GSTA5: variants seen among roughly 807,000 people sequenced by gnomAD.
GSTA5 encodes the protein glutathione S-transferase alpha 5.
In GSTA5, 25 loss-of-function variants were observed where a neutral mutation model predicts 21.8. The observed-to-expected ratio is 1.14, with a 90% confidence interval of 0.83 to 1.60. GSTA5 has a LOEUF of 1.60. Among genes scored for constraint, GSTA5 ranks in the 40% most tolerant of loss-of-function variants. GSTA5 has a pLI of 0.00. For missense variants in GSTA5, 330 were observed against 259.2 expected, an observed-to-expected ratio of 1.27 and a Z score of -1.88; for synonymous variants, 102 against 89.5, an observed-to-expected ratio of 1.14 and a Z score of -0.78.
chr6:52,844,896 A>G (rs1443163783), upstream of GSTA5, among the ~76,000 whole-genome samples: 1 of 152,078 alleles, frequency 6.6e-6, no homozygotes, highest in Non-Finnish European at 1.5e-5. Context: ...CCAACAATCT[A>G]TGTATATGTA....
intron 5 of GSTA5, among the ~76,000 whole-genome samples, chr6:52,832,519 G>A (rs1349426099): frequency 1.3e-5 from 2 of 152,026 alleles, no homozygotes; most frequent in East Asian, 3.9e-4. Context: ...ATTCAATGCG[G>A]GAAGACAAGG....
intron 1 of GSTA5, among the ~76,000 whole-genome samples, chr6:52,838,514 A>G (rs982268576): frequency 3.9e-5 from 6 of 152,258 alleles, no homozygotes; most frequent in African/African-American, 1.4e-4. Flanking sequence ...CAGTAACTTA[A>G]ACATTGGAGT....
Position 52,833,003 on chromosome 6 carries a change from A to G in GSTA5, c.415-13T>C, listed in dbSNP as rs1326127213. The G allele has an allele frequency of 6.2e-7, 1 of 1,613,808 alleles. No individual in the cohort carries two copies. The highest frequency in any genetic ancestry group is 8.5e-7 in the Non-Finnish European group (1 of 1,179,886). On this transcript the variant is annotated splice_polypyrimidine_tract_variant and intron_variant, in intron 4 of 5. Coordinates refer to ENST00000370989, the Ensembl canonical transcript of GSTA5. ...GGCTCTTTAAGACCTGGAGAATTGGAGGAATCAGATCAGGAACACATGCAC... is the reference window on the plus strand; with the variant it reads ...GGCTCTTTAAGACCTGGAGAATTGGGGGAATCAGATCAGGAACACATGCAC...
rs1764293656 is a variant in GSTA5, at chr6:52,836,371, T to C, written c.140-3A>G. On this transcript the variant is annotated splice_polypyrimidine_tract_variant and splice_region_variant and intron_variant, in intron 2 of 5. Transcript: ENST00000370989. ...TTGCTGGAACAGCAAACTCCCATCT[T>C]AGAAAGAAGAAAAAAAAAGGAGTAT... 2.5e-6 allele frequency: 4 copies of C among 1,613,170 alleles called. No individual in the cohort carries two copies. The highest frequency in any genetic ancestry group is 3.4e-6 in the Non-Finnish European group (4 of 1,179,582).
At chr6:52,842,906 C>A (rs1014920986), upstream of GSTA5, among the ~76,000 whole-genome samples, 1 of 152,086 alleles carries the variant, frequency 6.6e-6, no homozygotes, top group Non-Finnish European at 1.5e-5. Context: ...TCCCTAGGCC[C>A]CCACCCCACT....
chr6:52,837,287 G>A (rs9382146), intron 2 of GSTA5, among the ~76,000 whole-genome samples: 93,247 of 151,940 alleles, frequency 0.61, 29,117 homozygotes, highest in East Asian at 0.87. Context: ...GCTCACTGAC[G>A]GTCCCCCAAG....
chr6:52,833,341 T>C (rs9357747), intron 4 of GSTA5, among the ~76,000 whole-genome samples: 149,753 of 152,088 alleles, frequency 0.98, 73,775 homozygotes, highest in East Asian at 1. Context: ...ACATTCAGGA[T>C]GTGGCTCTAC....
exon 2 of GSTA5, chr6:52,837,599 T>A: frequency 6.2e-7 from 1 of 1,608,386 alleles, no homozygotes; most frequent in Admixed American, 1.7e-5. Context: ...TTCTAGAAAT[T>A]TCTCTTCCAA....
exon 6 of GSTA5, chr6:52,831,929 C>A: frequency 6.2e-7 from 1 of 1,614,036 alleles, no homozygotes. Context: ...GCTGCAGAAA[C>A]TTCTTCACCG....
At chr6:52,834,208 T>G (rs1375076882) in exon 4 of GSTA5, 1 of 1,614,124 alleles carries the variant, frequency 6.2e-7, no homozygotes, top group Admixed American at 1.7e-5. Context: ...GGCATCTCTT[T>G]CCTCTGGTTG....
rs761484777 is a variant in GSTA5, at chr6:52,831,910, G to A, written c.607C>T (p.Gln203Ter). Residue 203 changes from glutamine to a stop codon, truncating the protein, a stop_gained, in exon 6 of 6, where the codon CAG (glutamine) becomes TAG (stop). Transcript: ENST00000370989. LOFTEE classifies it low-confidence loss of function (END_TRUNC). ...TTCTCATCCATGGGAGGCTTTCTCT[G>A]GCTGCCAGGCTGCAGAAACTTCTTC... The A allele has an allele frequency of 3.1e-6, 5 of 1,613,684 alleles. No individual in the cohort carries two copies. Among genetic ancestry groups the A allele is most frequent in the Non-Finnish European group, 4.2e-6 (5 of 1,179,976 alleles).
chr6:52,831,746 T>C (rs1764217444), exon 6 of GSTA5: 1 of 1,352,606 alleles, frequency 7.4e-7, no homozygotes, highest in East Asian at 2.4e-5. Flanking sequence ...AAAGAGTTTA[T>C]TAGCTTTACA....
rs968585293 is a variant in GSTA5 at position 52,840,823 on chromosome 6, C to A, written c.-10G>T. The A allele has an allele frequency of 6.2e-7, 1 of 1,611,318 alleles. No homozygotes were observed. Among genetic ancestry groups the A allele is most frequent in the African/African-American group, 1.3e-5 (1 of 74,848 alleles). On this transcript the variant is annotated 5_prime_UTR_variant, in exon 1 of 6. Transcript: ENST00000370989. ...TGGGCTTCTCTGCCATGATAGCAGT[C>A]TCCTGGAGGTTTCTCTAAGCCTGAA... is the stretch of plus-strand genomic sequence containing the variant.
At chr6:52,845,159 G>T (rs1183804500), upstream of GSTA5, among the ~76,000 whole-genome samples, 3 of 152,068 alleles carry the variant, frequency 2.0e-5, no homozygotes, top group Non-Finnish European at 2.9e-5. Context: ...CTGTACAGAG[G>T]TTAATGATAT....
At chr6:52,843,259 A>C (rs1258353362), upstream of GSTA5, among the ~76,000 whole-genome samples, 1 of 152,220 alleles carries the variant, frequency 6.6e-6, no homozygotes, top group South Asian at 2.1e-4. Context: ...TCCTTTGGGT[A>C]TATACCCAGT....
chr6:52,832,919 T>A (rs757058693), exon 5 of GSTA5: 64 of 1,613,936 alleles, frequency 4.0e-5, no homozygotes, highest in Admixed American at 1.5e-4. Context: ...AGTAGAAAAG[T>A]TCCACCAGGT....
rs76463462 is a variant in GSTA5 at position 52,838,435 on chromosome 6, T to G, written c.88-826A>C. Among the ~76,000 whole-genome samples, 472 of 152,346 alleles carry G rather than the reference T, an allele frequency of 3.1e-3. 14 individuals are homozygous for G. The East Asian group carries it at 0.083, about 27-fold the overall frequency. On this transcript the variant is annotated intron_variant, in intron 1 of 5. Transcript: ENST00000370989. ...AGCACTTAGAAAAGTAGCAGGTGTA[T>G]AGTAACTGCTCGTTAAATATAAGTT...
At chr6:52,843,266 C>A (rs547529097), upstream of GSTA5, among the ~76,000 whole-genome samples, 2 of 152,250 alleles carry the variant, frequency 1.3e-5, no homozygotes, top group African/African-American at 4.8e-5. Flanking sequence ...GGTATATACC[C>A]AGTAATGGGA....
chr6:52,835,155 G>A lies in GSTA5; in HGVS notation c.273-873C>T, dbSNP rs191683683. Among the ~76,000 whole-genome samples, 14 of 152,196 alleles carry A rather than the reference G, an allele frequency of 9.2e-5. No homozygotes were observed. The East Asian group carries it at 1.4e-3, about 15-fold the overall frequency. The stretch of plus-strand genomic sequence containing the variant: ...TGATAAGGACATCTGTACCATTAGC[G>A]GTATTCTTCATTTATCTCCAAGCCC... On this transcript the variant is annotated intron_variant, in intron 3 of 5. Coordinates refer to ENST00000370989, the Ensembl canonical transcript of GSTA5.
Sources: gnomAD v4.1 joint callset for allele counts (sites outside exome capture counted in the v4.1 genomes callset) on GRCh38, gnomAD v4.1.1 for gene constraint, MANE v1.5 for transcripts, NCBI Gene and HGNC (gene_info 2026-07-23, HGNC 2026-07-21) for gene names.